SGCZ: variants seen among roughly 807,000 people sequenced by gnomAD.
SGCZ encodes zeta-sarcoglycan.
SGCZ carries 40 observed loss-of-function variants against 41.3 expected under a neutral mutation model. That is an observed-to-expected ratio of 0.97 (90% CI 0.75 to 1.26). The LOEUF is 1.26. SGCZ is among the 50% of genes most tolerant of loss of function. The pLI, the probability that SGCZ is intolerant of heterozygous loss-of-function variation, is 0.00. For missense variants in SGCZ, 552 were observed against 369.8 expected (o/e 1.49, Z -4.04); for synonymous variants, 206 against 137.5 (o/e 1.50, Z -3.49).
At chr8:14,610,780 G>A (rs1805902478) in intron 1 of SGCZ, among the ~76,000 whole-genome samples, 1 of 152,118 alleles carries the variant, frequency 6.6e-6, no homozygotes, top group East Asian at 1.9e-4. Context: ...CAAACGTGAA[G>A]GAATTAATAG....
At chr8:15,230,205 G>A (rs149539451) in intron 1 of SGCZ, among the ~76,000 whole-genome samples, 4 of 147,632 alleles carry the variant, frequency 2.7e-5, no homozygotes, top group African/African-American at 9.9e-5. Flanking sequence ...AAAAAAAACT[G>A]TAATGTGAAC....
chr8:14,984,812 T>A (rs905417263), intron 1 of SGCZ, among the ~76,000 whole-genome samples: 3 of 152,214 alleles, frequency 2.0e-5, no homozygotes, highest in African/African-American at 7.2e-5. Context: ...TTTAGTTTTC[T>A]GTGTAGTGTA....
intron 2 of SGCZ, among the ~76,000 whole-genome samples, chr8:14,468,188 A>G (rs901954567): frequency 6.6e-6 from 1 of 152,002 alleles, no homozygotes; most frequent in African/African-American, 2.4e-5. Context: ...TTGTAATGTG[A>G]TTTTGATTGA....
chr8:14,134,528 A>T (rs1803138888), intron 5 of SGCZ, among the ~76,000 whole-genome samples: 1 of 152,258 alleles, frequency 6.6e-6, no homozygotes, highest in Non-Finnish European at 1.5e-5. Context: ...ATTGGCATAG[A>T]AAGTAATAGA....
At position 14,548,021 on chromosome 8, in the gene SGCZ, A is replaced by G. The variant is rs1273558188; in HGVS notation, c.234+6711T>C. 3.3e-5 allele frequency among the ~76,000 whole-genome samples: 5 copies of G among 152,306 alleles called. No individual in the cohort carries two copies. In the East Asian group the frequency reaches 9.7e-4, roughly 29 times the overall value. On this transcript the variant is annotated intron_variant, in intron 2 of 7. Coordinates refer to ENST00000382080, the MANE Select transcript of SGCZ (RefSeq NM_139167.4). ...CTTTGTGAAGATGGAAGGGCAGAAT[A>G]TGGATAAGTCTGATAGTATATGTTG...
intron 1 of SGCZ, among the ~76,000 whole-genome samples, chr8:14,800,802 G>A (rs1169271957): frequency 1.3e-5 from 2 of 152,026 alleles, no homozygotes; most frequent in Admixed American, 1.3e-4. Context: ...TTATAGCAAT[G>A]TAAGAACAGA....
intron 2 of SGCZ, among the ~76,000 whole-genome samples, chr8:14,408,708 G>T (rs1195786849): frequency 6.6e-6 from 1 of 151,942 alleles, no homozygotes; most frequent in African/African-American, 2.4e-5. Flanking sequence ...AGTCCTGCAT[G>T]GCATCTTATT....
chr8:14,332,786 G>C (rs934393745), intron 2 of SGCZ: 54 of 151,208 alleles, frequency 3.6e-4, no homozygotes, highest in South Asian at 6.3e-4. Context: ...AATTTGGTTT[G>C]CAATAGAGTA....
chr8:14,556,301 A>G (rs527822049), intron 1 of SGCZ, among the ~76,000 whole-genome samples: 1 of 151,818 alleles, frequency 6.6e-6, no homozygotes, highest in East Asian at 1.9e-4. Context: ...TAACATAAAT[A>G]CTTCTGAATA....
At chr8:14,547,939 T>C (rs1356796116) in intron 2 of SGCZ, among the ~76,000 whole-genome samples, 1 of 152,224 alleles carries the variant, frequency 6.6e-6, no homozygotes, top group Non-Finnish European at 1.5e-5. Flanking sequence ...TGTCTAGGAT[T>C]GTTTTATGCT....
At chr8:14,459,319 A>G (rs1282518750) in intron 2 of SGCZ, among the ~76,000 whole-genome samples, 8 of 152,146 alleles carry the variant, frequency 5.3e-5, no homozygotes, top group Non-Finnish European at 8.8e-5. Flanking sequence ...CTAATGTTAA[A>G]TGACGAGTTA....
intron 1 of SGCZ, among the ~76,000 whole-genome samples, chr8:15,123,387 T>C (rs1563138203): frequency 6.6e-6 from 1 of 152,232 alleles, no homozygotes; most frequent in Non-Finnish European, 1.5e-5. Context: ...ATCTCTTGCA[T>C]TGTATCTTAT....
chr8:14,547,029 A>T (rs1039852059), intron 2 of SGCZ, among the ~76,000 whole-genome samples: 1 of 152,130 alleles, frequency 6.6e-6, no homozygotes, highest in African/African-American at 2.4e-5. Context: ...TTGCTGGAAA[A>T]AAAAAAGTAC....
In SGCZ at chr8:14,520,948, A is replaced by G. The variant is rs758436799; in HGVS notation, c.234+33784T>C. 4.6e-5 allele frequency among the ~76,000 whole-genome samples: 7 copies of G among 152,184 alleles called. 1 individual carries two copies. Among genetic ancestry groups the G allele is most frequent in the Non-Finnish European group, 7.4e-5 (5 of 68,020 alleles). On this transcript the variant is annotated intron_variant, in intron 2 of 7. Coordinates refer to ENST00000382080, the MANE Select transcript of SGCZ (RefSeq NM_139167.4). ...AATCACTAATCTTAGCAATAGTAAA[A>G]CATAGAATCAAGAAGATAGCAGTAT...
chr8:14,118,857 A>G (rs764558666), intron 5 of SGCZ, among the ~76,000 whole-genome samples: 5 of 152,180 alleles, frequency 3.3e-5, no homozygotes, highest in Non-Finnish European at 7.3e-5. Flanking sequence ...GATTTGTCAA[A>G]GATCAGATGG....
intron 4 of SGCZ, among the ~76,000 whole-genome samples, chr8:14,185,495 A>C (rs555014082): frequency 6.6e-6 from 1 of 152,154 alleles, no homozygotes; most frequent in African/African-American, 2.4e-5. Context: ...TCTACCATAT[A>C]CTTTATTTTT....
chr8:14,615,688 G>A (rs897690894), intron 1 of SGCZ, among the ~76,000 whole-genome samples: 1 of 152,030 alleles, frequency 6.6e-6, no homozygotes, highest in Non-Finnish European at 1.5e-5. Flanking sequence ...TAAGTTTTGG[G>A]GAAATGTCCT....
chr8:14,622,739 T>C (rs1309759586), intron 1 of SGCZ, among the ~76,000 whole-genome samples: 2 of 152,166 alleles, frequency 1.3e-5, no homozygotes, highest in Non-Finnish European at 2.9e-5. Flanking sequence ...GTAAAAATTG[T>C]ATATGAGGAA....
chr8:14,788,159 T>C (rs1019414556), intron 1 of SGCZ, among the ~76,000 whole-genome samples: 4 of 152,202 alleles, frequency 2.6e-5, no homozygotes, highest in African/African-American at 9.7e-5. Context: ...AAAATTTCTT[T>C]CTTTTTCCTT....
Sources: gnomAD v4.1 joint callset for allele counts (sites outside exome capture counted in the v4.1 genomes callset) on GRCh38, gnomAD v4.1.1 for gene constraint, MANE v1.5 for transcripts, NCBI Gene and HGNC (gene_info 2026-07-23, HGNC 2026-07-21) for gene names.